The following CDH12 variants were observed in gnomAD, a reference collection of about 807,000 sequenced individuals.
The protein encoded by CDH12 is cadherin-12.
Under a neutral mutation model 74.1 loss-of-function variants are expected in CDH12, and 41 were observed. That is an observed-to-expected ratio of 0.55 (90% CI 0.43 to 0.72). The LOEUF is 0.72. Ranked by LOEUF, CDH12 falls within the 30% of genes least tolerant of loss-of-function variation. CDH12 has a pLI of 0.00. For synonymous variants in CDH12, 399 were observed against 355.0 expected (o/e 1.12, Z -1.39); for missense variants, 945 against 977.2 (o/e 0.97, Z 0.44).
At position 22,698,723 on chromosome 5, in the gene CDH12, ATATATATATATAGTGTG is replaced by A. The variant is rs1742542016; in HGVS notation, c.-523+154318_-523+154334del. ...TATATATATATATATATATATATAT[ATATATATATATAGTGTG>A]TGTGTGTGTGTGTGTGTGTGTGTGT... On this transcript the variant is annotated intron_variant, in intron 1 of 14. Transcript: ENST00000382254. 1.2e-4 allele frequency among the ~76,000 whole-genome samples: 2 copies of A among 16,506 alleles called. 1 individual carries two copies. Among genetic ancestry groups the A allele is most frequent in the African/African-American group, 5.1e-4 (2 of 3,904 alleles). The allele number at this position is 16,506 out of a possible 152,430, so 10.8% of individuals were successfully genotyped here.
At chr5:22,282,293 A>T (rs1311551236) in intron 3 of CDH12, among the ~76,000 whole-genome samples, 2 of 152,180 alleles carry the variant, frequency 1.3e-5, no homozygotes, top group African/African-American at 4.8e-5. Flanking sequence ...TAACAACCCT[A>T]GCAGAAAACC....
intron 2 of CDH12, among the ~76,000 whole-genome samples, chr5:22,424,905 T>A (rs1743828450): frequency 6.6e-6 from 1 of 151,842 alleles, no homozygotes; most frequent in African/African-American, 2.4e-5. Flanking sequence ...AGATATGACA[T>A]AAAAATGAAC....
intron 1 of CDH12, among the ~76,000 whole-genome samples, chr5:22,687,439 A>G (rs1011369314): frequency 6.6e-6 from 1 of 152,092 alleles, no homozygotes; most frequent in Non-Finnish European, 1.5e-5. Context: ...ACAGGGTCTC[A>G]CTCTGTTGCC....
intron 1 of CDH12, 60 bp downstream of exon 1, chr5:22,852,998 A>G (rs1561077024): frequency 2.0e-5 from 3 of 152,234 alleles, no homozygotes. Context: ...ATTTCTGTGC[A>G]TGCACCCTGA....
At chr5:22,319,646 CAT>C (rs1035039378) in intron 3 of CDH12, among the ~76,000 whole-genome samples, 10 of 152,094 alleles carry the variant, frequency 6.6e-5, no homozygotes, top group African/African-American at 2.2e-4. Flanking sequence ...AGACTAATAA[CAT>C]ATTTTTCAAA....
rs147030174 is a variant in CDH12, at chr5:21,895,339, A to G, written c.527-40549T>C. Among the ~76,000 whole-genome samples the G allele has an allele frequency of 8.9e-3, 1,359 of 152,324 alleles. 22 individuals are homozygous for G. Among genetic ancestry groups the G allele is most frequent in the African/African-American group, 0.031 (1,292 of 41,562 alleles). ...TAGCAAATATGGGCATTAAGATTCC[A>G]CATGGGAAGATACAAACAAAACTGA... On this transcript the variant is annotated intron_variant, in intron 6 of 14. Transcript: ENST00000382254.
chr5:22,140,202 T>C (rs1746706281), intron 4 of CDH12, among the ~76,000 whole-genome samples: 1 of 152,094 alleles, frequency 6.6e-6, no homozygotes, highest in Non-Finnish European at 1.5e-5. Flanking sequence ...TATTGTCACA[T>C]ATTACCTTTC....
intron 1 of CDH12, among the ~76,000 whole-genome samples, chr5:22,738,727 A>G (rs927073870): frequency 6.6e-6 from 1 of 152,078 alleles, no homozygotes; most frequent in Non-Finnish European, 1.5e-5. Context: ...AAATATTTCA[A>G]TAAAACCATG....
chr5:22,529,184 T>TGG (rs1737454363), intron 1 of CDH12, among the ~76,000 whole-genome samples: 3 of 83,628 alleles, frequency 3.6e-5, no homozygotes, highest in Admixed American at 1.1e-4. Flanking sequence ...TATATATATA[T>TGG]ATATAGAGAG....
chr5:22,145,939 T>A (rs1211599937), intron 4 of CDH12, among the ~76,000 whole-genome samples: 1 of 152,014 alleles, frequency 6.6e-6, no homozygotes, highest in Non-Finnish European at 1.5e-5. Flanking sequence ...TTGCAATAGA[T>A]CCATAATGAT....
At chr5:21,838,892 G>A (rs969053599) in intron 8 of CDH12, among the ~76,000 whole-genome samples, 1 of 152,136 alleles carries the variant, frequency 6.6e-6, no homozygotes, top group African/African-American at 2.4e-5. Flanking sequence ...TACCCACATG[G>A]ATTGCATTCT....
chr5:22,030,982 T>C (rs1200848335), intron 5 of CDH12, among the ~76,000 whole-genome samples: 1 of 152,116 alleles, frequency 6.6e-6, no homozygotes, highest in Non-Finnish European at 1.5e-5. Flanking sequence ...CTCATCTCTC[T>C]CAGCCTTCAC....
intron 2 of CDH12, among the ~76,000 whole-genome samples, chr5:22,477,395 T>C (rs1036870186): frequency 6.6e-6 from 1 of 152,164 alleles, no homozygotes; most frequent in Non-Finnish European, 1.5e-5. Context: ...GCTCCATCCA[T>C]GTTCCTACAA....
intron 3 of CDH12, among the ~76,000 whole-genome samples, chr5:22,307,579 T>C (rs541038527): frequency 6.6e-6 from 1 of 152,298 alleles, no homozygotes; most frequent in East Asian, 1.9e-4. Flanking sequence ...CTCCACGTTA[T>C]TACACTGTCC....
At chr5:22,223,124 T>C (rs1752077230) in intron 3 of CDH12, among the ~76,000 whole-genome samples, 1 of 152,022 alleles carries the variant, frequency 6.6e-6, no homozygotes, top group South Asian at 2.1e-4. Context: ...CAGAATCTTT[T>C]AGTTCAGTGT....
chr5:21,820,834 G>A (rs760954396), intron 8 of CDH12, among the ~76,000 whole-genome samples: 46 of 151,850 alleles, frequency 3.0e-4, no homozygotes, highest in Non-Finnish European at 5.0e-4. Context: ...TAATTACACC[G>A]CCACCGTCTT....
intron 3 of CDH12, among the ~76,000 whole-genome samples, chr5:22,262,295 A>G (rs1432212412): frequency 8.3e-6 from 1 of 120,804 alleles, no homozygotes; most frequent in African/African-American, 3.2e-5. Context: ...CAGTCCCCAG[A>G]GTGTGATATT....
intron 6 of CDH12, 108 bp from the exon 7 acceptor site, chr5:21,854,898 T>G: frequency 1.1e-6 from 1 of 926,642 alleles, no homozygotes; most frequent in Non-Finnish European, 1.6e-6. Flanking sequence ...CTACGTCAAG[T>G]ACACCATGAG....
rs554514509 is a variant in CDH12, at chr5:22,292,556, A to AAAAC, written c.-332-79917_-332-79914dup. ...CTGAACTCAATAGCACAAACAAAACAAAACAAACAAACAAAACAAATTGCC... is the reference window on the plus strand; with the variant it reads ...CTGAACTCAATAGCACAAACAAAACAAAACAAACAAACAAACAAAACAAATTGCC... On this transcript the variant is annotated intron_variant, in intron 3 of 14. Transcript: ENST00000382254. Among the ~76,000 whole-genome samples, 405 of 152,102 alleles carry AAAAC rather than the reference A, an allele frequency of 2.7e-3. 1 individual carries two copies. The highest frequency in any genetic ancestry group is 9.6e-3 in the African/African-American group (397 of 41,514).
Sources: gnomAD v4.1 joint callset for allele counts (sites outside exome capture counted in the v4.1 genomes callset) on GRCh38, gnomAD v4.1.1 for gene constraint, MANE v1.5 for transcripts, NCBI Gene and HGNC (gene_info 2026-07-23, HGNC 2026-07-21) for gene names.